AUTS2: variants seen among roughly 807,000 people sequenced by gnomAD.
The protein encoded by AUTS2 is autism susceptibility gene 2 protein.
In AUTS2, 17 loss-of-function variants were observed where a neutral mutation model predicts 112.4. The ratio of observed to expected loss-of-function variants is 0.15; its 90% CI spans 0.10 to 0.23. AUTS2 has a LOEUF of 0.23. AUTS2 is among the 10% of genes least tolerant of loss of function. The pLI is 1.00. For missense variants in AUTS2, 1,510 were observed against 1,701.6 expected, an observed-to-expected ratio of 0.89 and a Z score of 1.98; for synonymous variants, 751 against 702.7, an observed-to-expected ratio of 1.07 and a Z score of -1.09.
intron 4 of AUTS2, among the ~76,000 whole-genome samples, chr7:70,253,027 T>C (rs1786681755): frequency 6.6e-6 from 1 of 152,184 alleles, no homozygotes; most frequent in African/African-American, 2.4e-5. Flanking sequence ...ATGTTTCTTT[T>C]TCATTTTTTC....
rs142812811 is a variant in AUTS2, at chr7:70,026,760, A to C, written c.523-91372A>C. On this transcript the variant is annotated intron_variant, in intron 2 of 18. Transcript: ENST00000342771. Reference sequence around the variant, plus strand: ...CTTTAATATATCTGAATGGGTATACATATGTGCTCCTTTGTTTCTTGTAAA... The same window carrying C: ...CTTTAATATATCTGAATGGGTATACCTATGTGCTCCTTTGTTTCTTGTAAA... Among the ~76,000 whole-genome samples, 7 of 152,278 alleles carry C rather than the reference A, an allele frequency of 4.6e-5. No individual in the cohort carries two copies. The East Asian group carries it at 1.4e-3, about 29-fold the overall frequency.
chr7:70,723,925 G>T (rs1366547576), intron 6 of AUTS2, among the ~76,000 whole-genome samples: 1 of 151,932 alleles, frequency 6.6e-6, no homozygotes, highest in African/African-American at 2.4e-5. Flanking sequence ...CAGAGTCTGG[G>T]TCTGTCACCC....
intron 4 of AUTS2, among the ~76,000 whole-genome samples, chr7:70,349,726 G>T (rs987647972): frequency 6.6e-6 from 1 of 151,922 alleles, no homozygotes; most frequent in African/African-American, 2.4e-5. Context: ...GAGATGGGTG[G>T]ACAAACCGAA....
chr7:70,389,498 A>G (rs1793754971), intron 4 of AUTS2, among the ~76,000 whole-genome samples: 1 of 152,194 alleles, frequency 6.6e-6, no homozygotes, highest in Non-Finnish European at 1.5e-5. Flanking sequence ...TTCTGTTGGA[A>G]GGAGGTGGGT....
rs185101663 is a variant in AUTS2, at chr7:69,881,714, C to G, written c.310-17572C>G. 1.2e-4 allele frequency among the ~76,000 whole-genome samples: 19 copies of G among 152,248 alleles called. No individual in the cohort carries two copies. In the East Asian group the frequency reaches 3.3e-3, roughly 26 times the overall value. On this transcript the variant is annotated intron_variant, in intron 1 of 18. Coordinates refer to ENST00000342771, the MANE Select transcript of AUTS2 (RefSeq NM_015570.4). ...ATATGGTGATAGGAAATGCCTCCCC[C>G]CACAGCCCTGTCTCAGAACTTTCTC... is the stretch of plus-strand genomic sequence containing the variant.
intron 5 of AUTS2, among the ~76,000 whole-genome samples, chr7:70,531,219 A>G (rs1025136812): frequency 3.4e-5 from 2 of 58,382 alleles, no homozygotes; most frequent in African/African-American, 2.9e-4. Flanking sequence ...CAGTATATGC[A>G]CATTTCATGG....
At chr7:69,819,430 T>C (rs537068321) in intron 1 of AUTS2, among the ~76,000 whole-genome samples, 1 of 152,286 alleles carries the variant, frequency 6.6e-6, no homozygotes, top group South Asian at 2.1e-4. Context: ...TCTAAACATT[T>C]CTTGGGGAAG....
At chr7:69,774,200 C>A (rs1788796643) in intron 1 of AUTS2, among the ~76,000 whole-genome samples, 1 of 152,132 alleles carries the variant, frequency 6.6e-6, no homozygotes, top group African/African-American at 2.4e-5. Flanking sequence ...TTGCTTGAGG[C>A]CAGAAGTTTG....
intron 4 of AUTS2, among the ~76,000 whole-genome samples, chr7:70,225,867 C>T (rs1054690100): frequency 6.6e-6 from 1 of 152,054 alleles, no homozygotes; most frequent in African/African-American, 2.4e-5. Context: ...GTGTAGCTCC[C>T]AGTGGTAGAT....
chr7:69,835,074 G>A (rs1333325129), intron 1 of AUTS2, among the ~76,000 whole-genome samples: 2 of 151,728 alleles, frequency 1.3e-5, no homozygotes, highest in South Asian at 2.1e-4. Flanking sequence ...GAGAATTAGC[G>A]AAACATCGTG....
chr7:70,521,113 GA>G (rs1799626212), intron 5 of AUTS2, among the ~76,000 whole-genome samples: 1 of 152,172 alleles, frequency 6.6e-6, no homozygotes, highest in South Asian at 2.1e-4. Flanking sequence ...TCACTGAGTA[GA>G]TGAATGAATG....
intron 1 of AUTS2, chr7:69,825,777 C>T (rs982168507): frequency 3.3e-5 from 5 of 152,186 alleles, no homozygotes; most frequent in African/African-American, 1.2e-4. Flanking sequence ...TTTATTGTTC[C>T]AGGAGGAGGA....
chr7:70,689,825 C>A (rs1428282600), intron 5 of AUTS2, among the ~76,000 whole-genome samples: 2 of 143,360 alleles, frequency 1.4e-5, no homozygotes, highest in Non-Finnish European at 3.1e-5. Context: ...AGAGATGGTA[C>A]AAACCACTGT....
In AUTS2 at chr7:70,183,833, C is replaced by CTTT. The variant is rs60689973; in HGVS notation, c.660+49276_660+49278dup. ...AAAATTGTCCTTTTTCTGTCTTTTTCTTTTTTTTTTTTTTTTGTTGCCCCT... is the reference window on the plus strand; with the variant it reads ...AAAATTGTCCTTTTTCTGTCTTTTTCTTTTTTTTTTTTTTTTTTTGTTGCCCCT... On this transcript the variant is annotated intron_variant, in intron 4 of 18. Transcript: ENST00000342771. Among the ~76,000 whole-genome samples, 188 of 137,948 alleles carry CTTT rather than the reference C, an allele frequency of 1.4e-3. 2 individuals are homozygous for CTTT. The highest frequency in any genetic ancestry group is 4.4e-3 in the African/African-American group (166 of 37,684). 90.5% of individuals were successfully genotyped at this position (137,948 alleles called of 152,430 possible). A position where few individuals can be genotyped will look rare whatever the true frequency, so the allele number is the denominator to read the frequency against.
chr7:70,375,909 G>A (rs1452897115), intron 4 of AUTS2, among the ~76,000 whole-genome samples: 3 of 151,976 alleles, frequency 2.0e-5, no homozygotes, highest in Non-Finnish European at 2.9e-5. Flanking sequence ...ATAATAGTAG[G>A]CATCACCTTA....
intron 1 of AUTS2, among the ~76,000 whole-genome samples, chr7:69,877,662 A>G (rs150459821): frequency 1.3e-5 from 2 of 152,098 alleles, no homozygotes; most frequent in African/African-American, 2.4e-5. Flanking sequence ...CTTTATTTCT[A>G]TGAGTACCTA....
chr7:70,407,128 G>A (rs989669881), intron 4 of AUTS2, among the ~76,000 whole-genome samples: 9 of 152,186 alleles, frequency 5.9e-5, no homozygotes, highest in Non-Finnish European at 1.0e-4. Flanking sequence ...ATTTTGAGGC[G>A]GACCCAGTTG....
rs368686330 is a variant in AUTS2 at position 70,326,766 on chromosome 7, A to G, written c.661-108986A>G. Among the ~76,000 whole-genome samples, 11 of 152,274 alleles carry G rather than the reference A, an allele frequency of 7.2e-5. No homozygotes were observed. The East Asian group carries it at 1.7e-3, about 24-fold the overall frequency. On this transcript the variant is annotated intron_variant, in intron 4 of 18. Coordinates refer to ENST00000342771, the MANE Select transcript of AUTS2 (RefSeq NM_015570.4). ...TGACATAAGGTAAACAAGTGTGCCTATGAGTGTGGCAACAATGAGGAGACA... is the reference window on the plus strand; with the variant it reads ...TGACATAAGGTAAACAAGTGTGCCTGTGAGTGTGGCAACAATGAGGAGACA...
intron 4 of AUTS2, among the ~76,000 whole-genome samples, chr7:70,191,259 C>A (rs895973417): frequency 6.6e-6 from 1 of 150,722 alleles, no homozygotes; most frequent in African/African-American, 2.4e-5. Flanking sequence ...GCTCTGCCTC[C>A]CGGGTTTACA....
Sources: allele counts gnomAD v4.1 joint callset (sites outside exome capture counted in the v4.1 genomes callset), GRCh38; gene constraint gnomAD v4.1.1; transcripts MANE v1.5; gene names NCBI Gene and HGNC (gene_info 2026-07-23, HGNC 2026-07-21).